The following ABLIM2 variants were observed in gnomAD, a reference collection of about 807,000 sequenced individuals.
ABLIM2 encodes actin-binding LIM protein 2.
Under a neutral mutation model 97.7 loss-of-function variants are expected in ABLIM2, and 53 were observed. The observed-to-expected ratio is 0.54, with a 90% CI of 0.44 to 0.68. ABLIM2 has a LOEUF of 0.68. Among genes scored for constraint, ABLIM2 ranks in the 30% least tolerant of loss-of-function variants. The probability of loss-of-function intolerance (pLI) is 0.00; values close to 1 mark genes in which losing one functional copy is unlikely to be tolerated. For missense variants in ABLIM2, 835 were observed against 867.2 expected (o/e 0.96, Z 0.47); for synonymous variants, 361 against 345.8 (o/e 1.04, Z -0.49).
intron 1 of ABLIM2, among the ~76,000 whole-genome samples, chr4:8,151,071 C>A (rs1166212141): frequency 6.6e-6 from 1 of 152,146 alleles, no homozygotes; most frequent in African/African-American, 2.4e-5. Context: ...ATCACCTGTA[C>A]TTTTTATGTG....
At position 8,125,678 on chromosome 4, in the gene ABLIM2, G is replaced by A. The variant is rs141153781; in HGVS notation, c.11-19041C>T. 7.2e-5 allele frequency among the ~76,000 whole-genome samples: 11 copies of A among 152,334 alleles called. No individual in the cohort carries two copies. The East Asian group carries it at 2.1e-3, about 29-fold the overall frequency. On this transcript the variant is annotated intron_variant, in intron 1 of 20. Coordinates refer to ENST00000447017, the MANE Select transcript of ABLIM2 (RefSeq NM_001130083.2). The surrounding 1 kb of genome is among the most constrained non-coding windows in gnomAD (Gnocchi z 6.2). ...TCCAGCACAGTTGTCCACAGTTGGT[G>A]GAAGCACAGTGGGCCTGAGAAGGCA...
At chr4:8,089,653 T>C (rs1561309139) in intron 3 of ABLIM2, among the ~76,000 whole-genome samples, 1 of 145,776 alleles carries the variant, frequency 6.9e-6, no homozygotes, top group Non-Finnish European at 1.5e-5. Context: ...GACAATCGCT[T>C]GAACTGGGAG....
chr4:8,060,337 C>A (rs189365577), intron 7 of ABLIM2, among the ~76,000 whole-genome samples: 1 of 152,194 alleles, frequency 6.6e-6, no homozygotes, highest in Non-Finnish European at 1.5e-5. Flanking sequence ...CAGGACGCCC[C>A]GCCTTTGTGA....
Position 7,976,730 on chromosome 4 carries a change from CACAT to C in ABLIM2, c.1824+6530_1824+6533del, listed in dbSNP as rs1307527216. ...ACACGTATATCCATATGCATACACA[CACAT>C]ACACATATGCAAATATGCACACACA... On this transcript the variant is annotated intron_variant, in intron 20 of 20. Coordinates refer to ENST00000447017, the MANE Select transcript of ABLIM2 (RefSeq NM_001130083.2). Among the ~76,000 whole-genome samples, 11 of 152,142 alleles carry C rather than the reference CACAT, an allele frequency of 7.2e-5. No individual in the cohort carries two copies. The East Asian group carries it at 1.7e-3, about 24-fold the overall frequency.
intron 8 of ABLIM2, among the ~76,000 whole-genome samples, chr4:8,049,967 A>T (rs1794942913): frequency 1.3e-5 from 2 of 152,184 alleles, no homozygotes; most frequent in Non-Finnish European, 2.9e-5. Flanking sequence ...ACCTCAAATG[A>T]TCCACCAACC....
chr4:8,153,111 T>C (rs945134851), intron 1 of ABLIM2, among the ~76,000 whole-genome samples: 6 of 152,112 alleles, frequency 3.9e-5, no homozygotes, highest in African/African-American at 1.4e-4. Context: ...AGTGCCCGCT[T>C]AAAGGGCCAG....
intron 2 of ABLIM2, among the ~76,000 whole-genome samples, chr4:8,099,638 G>T (rs1243187894): frequency 1.3e-5 from 2 of 152,172 alleles, no homozygotes; most frequent in Admixed American, 6.5e-5. Flanking sequence ...GAGGTCAGGA[G>T]ATCGAGACCA....
chr4:8,148,119 C>T lies in ABLIM2; in HGVS notation c.10+10561G>A, dbSNP rs113461290. Among the ~76,000 whole-genome samples, 30 of 152,292 alleles carry T rather than the reference C, an allele frequency of 2.0e-4. No individual in the cohort carries two copies. Among genetic ancestry groups the T allele is most frequent in the Admixed American group, 1.1e-3 (17 of 15,298 alleles). On this transcript the variant is annotated intron_variant, in intron 1 of 20. Transcript: ENST00000447017. The surrounding 1 kb of genome is among the most constrained non-coding windows in gnomAD (Gnocchi z 6.7). ...AAACCCCTCACCAAAGCCCACCATG[C>T]GCACCTTCCCCGGCAGAGAAGGGGT...
chr4:8,146,158 A>C (rs1222544458), intron 1 of ABLIM2, among the ~76,000 whole-genome samples: 1 of 152,214 alleles, frequency 6.6e-6, no homozygotes, highest in Non-Finnish European at 1.5e-5. Context: ...TTCATGCTTC[A>C]TAATATTTTT....
chr4:8,137,672 G>A (rs991752141), intron 1 of ABLIM2, among the ~76,000 whole-genome samples: 5 of 152,240 alleles, frequency 3.3e-5, no homozygotes, highest in Non-Finnish European at 5.9e-5. Flanking sequence ...TGAGCACAGG[G>A]CTCACAGGCC....
chr4:8,097,401 C>T (rs143775517), intron 2 of ABLIM2, 119 bp from the exon 3 acceptor site: 5 of 1,257,350 alleles, frequency 4.0e-6, no homozygotes, highest in African/African-American at 1.5e-5. Flanking sequence ...ACTGAGGCCT[C>T]GGCACACACT....
chr4:7,999,783 G>T lies in ABLIM2; in HGVS notation c.1619-6856C>A, dbSNP rs1414753535. On this transcript the variant is annotated intron_variant, in intron 16 of 20. Coordinates refer to ENST00000447017, the MANE Select transcript of ABLIM2 (RefSeq NM_001130083.2). This position sits in a 1 kb window ranked among gnomAD's most constrained non-coding sequence, Gnocchi z 4.4. ...GGCACCAGAGGCCTACCCACTCCAT[G>T]CCCAGGCTCAGCCAAACCAGGCTCC... Among the ~76,000 whole-genome samples the T allele has an allele frequency of 6.6e-6, 1 of 152,144 alleles. No individual in the cohort carries two copies. The highest frequency in any genetic ancestry group is 1.5e-5 in the Non-Finnish European group (1 of 68,024).
At chr4:7,969,316 C>T (rs951356649) in intron 20 of ABLIM2, among the ~76,000 whole-genome samples, 3 of 151,642 alleles carry the variant, frequency 2.0e-5, no homozygotes, top group Admixed American at 6.6e-5. Context: ...TAGCTGGGTG[C>T]GCTGGCGTGT....
At position 8,002,335 on chromosome 4, in the gene ABLIM2, A is replaced by G. The variant is rs987167723; in HGVS notation, c.1618+5724T>C. ...CAGAGCCAACCCAGTGTCTTCTTTG[A>G]TTCCGTCACCCCCGCAGCCAGTGGT... On this transcript the variant is annotated intron_variant, in intron 16 of 20. Transcript: ENST00000447017. This position sits in a 1 kb window ranked among gnomAD's most constrained non-coding sequence, Gnocchi z 6.1. 3.9e-5 allele frequency among the ~76,000 whole-genome samples: 6 copies of G among 152,128 alleles called. No individual in the cohort carries two copies.
chr4:8,057,593 C>A (rs1303466284), intron 7 of ABLIM2, among the ~76,000 whole-genome samples: 1 of 152,198 alleles, frequency 6.6e-6, no homozygotes, highest in East Asian at 1.9e-4. Context: ...TTCTCACCAA[C>A]ATGGGGCTCA....
rs977389159 is a variant in ABLIM2, at chr4:8,149,678, G to A, written c.10+9002C>T. On this transcript the variant is annotated intron_variant, in intron 1 of 20. Transcript: ENST00000447017. The surrounding 1 kb of genome is among the most constrained non-coding windows in gnomAD (Gnocchi z 6.4). ...ATCAGGGCAAAGACAGCACATAGTA[G>A]GTGCTTAATAAATAGTCGTGGAGGG... is the stretch of plus-strand genomic sequence containing the variant. Among the ~76,000 whole-genome samples, 1 of 151,968 alleles carries A rather than the reference G, an allele frequency of 6.6e-6. No individual in the cohort carries two copies. Among genetic ancestry groups the A allele is most frequent in the African/African-American group, 2.4e-5 (1 of 41,396 alleles).
chr4:8,117,250 G>A (rs1167671792), intron 1 of ABLIM2, among the ~76,000 whole-genome samples: 1 of 152,212 alleles, frequency 6.6e-6, no homozygotes, highest in Non-Finnish European at 1.5e-5. Flanking sequence ...GCCACACCGT[G>A]AGGAGTGGCA....
intron 9 of ABLIM2, among the ~76,000 whole-genome samples, chr4:8,037,487 C>T (rs1396245530): frequency 6.6e-6 from 1 of 152,110 alleles, no homozygotes. Context: ...CATGCCCACA[C>T]CCACACACTG....
intron 5 of ABLIM2, among the ~76,000 whole-genome samples, chr4:8,080,074 C>A (rs747329236): frequency 1.8e-4 from 28 of 152,214 alleles, no homozygotes; most frequent in Non-Finnish European, 3.7e-4. Flanking sequence ...CCATTCAAGG[C>A]CATTATCTTC....
Sources: gnomAD v4.1 joint callset for allele counts (sites outside exome capture counted in the v4.1 genomes callset) on GRCh38, gnomAD v4.1.1 for gene constraint, Gnocchi (gnomAD v3.1) non-coding constraint, MANE v1.5 for transcripts, NCBI Gene and HGNC (gene_info 2026-07-23, HGNC 2026-07-21) for gene names.